Variants in RNF19A observed in about 807,000 individuals in gnomAD.
The protein encoded by RNF19A is ring finger protein 19A, RBR E3 ubiquitin protein ligase.
A neutral mutation model predicts 75.7 loss-of-function variants in RNF19A; 32 were observed. The ratio of observed to expected loss-of-function variants is 0.42; its 90% CI spans 0.32 to 0.57. The LOEUF is 0.57. Among genes scored for constraint, RNF19A ranks in the 20% least tolerant of loss-of-function variants. RNF19A has a pLI of 0.10. For missense variants in RNF19A, 782 were observed against 1,036.3 expected, an observed-to-expected ratio of 0.75 and a Z score of 3.37; for synonymous variants, 335 against 345.2, an observed-to-expected ratio of 0.97 and a Z score of 0.33.
In RNF19A at chr8:100,268,683, TAAAAA is replaced by T. The variant is rs34297750; in HGVS notation, c.1191+97_1191+101del. Reference sequence around the variant, plus strand: ...GAAGAAACTAAAGATACCCTTTGTCTAAAAAAAAAAAAAAAAAAAAACCCAAAAAT... The same window carrying T: ...GAAGAAACTAAAGATACCCTTTGTCTAAAAAAAAAAAAAAAACCCAAAAAT... On this transcript the variant is annotated intron_variant, in intron 5 of 9. Coordinates refer to ENST00000341084, the MANE Select transcript of RNF19A (RefSeq NM_183419.4). 4.8e-3 allele frequency: 1,682 copies of T among 353,098 alleles called. 1 individual carries two copies. Among genetic ancestry groups the T allele is most frequent in the South Asian group, 0.015 (127 of 8,232 alleles). The allele number at this position is 353,098 out of a possible 1,614,324, so 21.9% of individuals were successfully genotyped here.
intron 1 of RNF19A, among the ~76,000 whole-genome samples, chr8:100,299,187 A>C (rs1320623156): frequency 6.6e-6 from 1 of 152,242 alleles, no homozygotes; most frequent in African/African-American, 2.4e-5. Flanking sequence ...TTCGAAAACT[A>C]AGGTGATTAA....
chr8:100,263,421 A>T (rs1819818870), intron 7 of RNF19A, among the ~76,000 whole-genome samples: 1 of 152,222 alleles, frequency 6.6e-6, no homozygotes, highest in South Asian at 2.1e-4. Flanking sequence ...CAGAAATAAA[A>T]TTCTGGAGTG....
chr8:100,276,134 C>A (rs1013430835), intron 2 of RNF19A, among the ~76,000 whole-genome samples: 1 of 152,112 alleles, frequency 6.6e-6, no homozygotes, highest in South Asian at 2.1e-4. Context: ...TGTGCTCACA[C>A]AAAAACTTGT....
upstream of RNF19A, among the ~76,000 whole-genome samples, chr8:100,311,210 G>A (rs901876009): frequency 1.3e-5 from 2 of 152,220 alleles, no homozygotes; most frequent in Non-Finnish European, 2.9e-5. Flanking sequence ...AATTGAACAA[G>A]CTAGGCAGTT....
At chr8:100,314,203 C>CTATAT (rs1352737335), upstream of RNF19A, among the ~76,000 whole-genome samples, 13 of 152,040 alleles carry the variant, frequency 8.6e-5, no homozygotes, top group South Asian at 1.9e-3. This position sits in a 1 kb window ranked among gnomAD's most constrained non-coding sequence, Gnocchi z 4.1. Context: ...TTATTGCATA[C>CTATAT]ATACTATATA....
chr8:100,263,457 C>A (rs1563833036), intron 7 of RNF19A, among the ~76,000 whole-genome samples: 1 of 152,098 alleles, frequency 6.6e-6, no homozygotes, highest in South Asian at 2.1e-4. Context: ...TGATTGAGGC[C>A]AGTTCAAGAG....
At chr8:100,306,517 G>T (rs12678088) in intron 1 of RNF19A, among the ~76,000 whole-genome samples, 1 of 152,048 alleles carries the variant, frequency 6.6e-6, no homozygotes, top group African/African-American at 2.4e-5. Flanking sequence ...TAATTCTTCA[G>T]GTGTTAATGA....
intron 2 of RNF19A, among the ~76,000 whole-genome samples, chr8:100,278,254 T>A (rs1820617022): frequency 6.6e-6 from 1 of 152,262 alleles, no homozygotes. Context: ...GTTCTGCACT[T>A]GTGCTTGACT....
In RNF19A at chr8:100,269,392, A is replaced by G. The variant is rs990523737; in HGVS notation, c.1029-445T>C. Among the ~76,000 whole-genome samples the G allele has an allele frequency of 1.3e-5, 2 of 151,958 alleles. No homozygotes were observed. Among genetic ancestry groups the G allele is most frequent in the Non-Finnish European group, 2.9e-5 (2 of 67,936 alleles). On this transcript the variant is annotated intron_variant, in intron 4 of 9. Transcript: ENST00000341084. This position sits in a 1 kb window ranked among gnomAD's most constrained non-coding sequence, Gnocchi z 5.7. ...TGAAGTATAAGGTAAGAACCACTGT[A>G]AATTATATTAACAAGATACTGATAA... is the stretch of plus-strand genomic sequence containing the variant.
At chr8:100,272,287 T>C (rs943594653) in intron 3 of RNF19A, among the ~76,000 whole-genome samples, 1 of 152,150 alleles carries the variant, frequency 6.6e-6, no homozygotes, top group African/African-American at 2.4e-5. Context: ...ATAAACATTA[T>C]ACTATAAATA....
intron 1 of RNF19A, among the ~76,000 whole-genome samples, chr8:100,328,095 C>T (rs961281188): frequency 1.3e-5 from 2 of 152,136 alleles, no homozygotes; most frequent in African/African-American, 2.4e-5. Flanking sequence ...GATGAAAGGG[C>T]AGGTGGTATC....
Position 100,269,723 on chromosome 8 carries a change from T to C in RNF19A, c.1028+146A>G, listed in dbSNP as rs756326494. The C allele has an allele frequency of 1.9e-5, 10 of 539,530 alleles. No individual in the cohort carries two copies. Among genetic ancestry groups the C allele is most frequent in the Non-Finnish European group, 3.1e-5 (10 of 323,806 alleles). The allele number at this position is 539,530 out of a possible 1,614,324, so 33.4% of individuals were successfully genotyped here. On this transcript the variant is annotated intron_variant, in intron 4 of 9. Transcript: ENST00000341084. This position sits in a 1 kb window ranked among gnomAD's most constrained non-coding sequence, Gnocchi z 5.7. Reference sequence around the variant, plus strand: ...AGTTATTAATTCCAAATGACTAGCATAATAACTTGGTTTCTTTTAAATTTA... The same window carrying C: ...AGTTATTAATTCCAAATGACTAGCACAATAACTTGGTTTCTTTTAAATTTA...
At chr8:100,309,683 C>A (rs905590439) in intron 1 of RNF19A, among the ~76,000 whole-genome samples, 184 bp downstream of exon 1, 2 of 152,228 alleles carry the variant, frequency 1.3e-5, no homozygotes, top group Admixed American at 6.5e-5. Context: ...CCTAAGCCGG[C>A]CACGGCCCCG....
At chr8:100,298,136 C>T (rs1261744027) in intron 1 of RNF19A, among the ~76,000 whole-genome samples, 1 of 151,080 alleles carries the variant, frequency 6.6e-6, no homozygotes, top group Non-Finnish European at 1.5e-5. Context: ...TTAAGTATTA[C>T]CTGTAAGTAT....
intron 1 of RNF19A, chr8:100,303,411 C>T (rs1323151265): frequency 6.6e-6 from 1 of 152,174 alleles, no homozygotes; most frequent in African/African-American, 2.4e-5. Flanking sequence ...CCTGGATAAT[C>T]CAGGATGATC....
At chr8:100,314,638 G>T (rs1440799602), upstream of RNF19A, among the ~76,000 whole-genome samples, 1 of 151,898 alleles carries the variant, frequency 6.6e-6, no homozygotes, top group African/African-American at 2.4e-5. The surrounding 1 kb of genome is among the most constrained non-coding windows in gnomAD (Gnocchi z 4.1). Flanking sequence ...TCTCTTTGTA[G>T]GTACTACCTA....
rs183727673 is a variant in RNF19A at position 100,284,925 on chromosome 8, A to C, written c.674+2576T>G. Reference sequence around the variant, plus strand: ...GTGCTATTAAAAATTGTATCAGTATACTAAGCATGAACTGGAAATCAGAAC... The same window carrying C: ...GTGCTATTAAAAATTGTATCAGTATCCTAAGCATGAACTGGAAATCAGAAC... On this transcript the variant is annotated intron_variant, in intron 2 of 9. Coordinates refer to ENST00000341084, the MANE Select transcript of RNF19A (RefSeq NM_183419.4). The surrounding 1 kb of genome is among the most constrained non-coding windows in gnomAD (Gnocchi z 4.3). 3.6e-4 allele frequency among the ~76,000 whole-genome samples: 55 copies of C among 152,306 alleles called. No individual in the cohort carries two copies. Among genetic ancestry groups the C allele is most frequent in the Non-Finnish European group, 7.2e-4 (49 of 67,988 alleles).
At chr8:100,308,670 TGAAAA>T in intron 1 of RNF19A, among the ~76,000 whole-genome samples, 1 of 146,466 alleles carries the variant, frequency 6.8e-6, no homozygotes, top group South Asian at 2.2e-4. Flanking sequence ...TTTAAAAAAA[TGAAAA>T]GAACCATGTT....
chr8:100,261,760 A>T lies in RNF19A; in HGVS notation c.1469-5T>A. 1 of 1,613,672 alleles carries T rather than the reference A, an allele frequency of 6.2e-7. No individual in the cohort carries two copies. Among genetic ancestry groups the T allele is most frequent in the Non-Finnish European group, 8.5e-7 (1 of 1,179,582 alleles). ...CTTCTGCTACTGATGTTGTGTCTAA[A>T]TGCAAATATTCCAAAGAAACTAAGT... is the stretch of plus-strand genomic sequence containing the variant. On this transcript the variant is annotated splice_region_variant and splice_polypyrimidine_tract_variant and intron_variant, in intron 7 of 9. Coordinates refer to ENST00000341084, the MANE Select transcript of RNF19A (RefSeq NM_183419.4). The surrounding 1 kb of genome is among the most constrained non-coding windows in gnomAD (Gnocchi z 4.4).
Sources: gnomAD v4.1 joint callset for allele counts (sites outside exome capture counted in the v4.1 genomes callset) on GRCh38, gnomAD v4.1.1 for gene constraint, Gnocchi (gnomAD v3.1) non-coding constraint, MANE v1.5 for transcripts, NCBI Gene and HGNC (gene_info 2026-07-23, HGNC 2026-07-21) for gene names.